CNGB1: variants seen among roughly 807,000 people sequenced by gnomAD.
CNGB1 encodes cyclic nucleotide-gated channel beta-1.
A neutral mutation model predicts 151.7 loss-of-function variants in CNGB1; 126 were observed. The ratio of observed to expected loss-of-function variants is 0.83; its 90% CI spans 0.72 to 0.96. CNGB1 has a LOEUF of 0.96. Ranked by LOEUF, CNGB1 falls within the 40% of genes least tolerant of loss-of-function variation. The pLI, the probability that CNGB1 is intolerant of heterozygous loss-of-function variation, is 0.00. For synonymous variants in CNGB1, 623 were observed against 635.1 expected (o/e 0.98, Z 0.29); for missense variants, 1,698 against 1,627.0 (o/e 1.04, Z -0.75).
intron 1 of CNGB1, 61 bp from the exon 2 acceptor site, chr16:57,967,355 G>A: frequency 6.6e-7 from 1 of 1,520,154 alleles, no homozygotes; most frequent in Non-Finnish European, 9.1e-7. Context: ...CGCCACTTAT[G>A]GGCCACTCTT....
rs370785066 is a variant in CNGB1 at position 57,900,043 on chromosome 16, G to A, written c.2976+1309C>T. On this transcript the variant is annotated intron_variant, in intron 29 of 32. Coordinates refer to ENST00000251102, the MANE Select transcript of CNGB1 (RefSeq NM_001297.5). Reference sequence around the variant, plus strand: ...CAGTACTGGCAGCTGCTGTGTGCCAGGAACAATGTTAAGCTCTGTATGCAC... The same window carrying A: ...CAGTACTGGCAGCTGCTGTGTGCCAAGAACAATGTTAAGCTCTGTATGCAC... 1.1e-3 allele frequency among the ~76,000 whole-genome samples: 166 copies of A among 152,358 alleles called. 5 individuals carry two copies. The South Asian group carries it at 0.033, about 30-fold the overall frequency.
chr16:57,902,149 C>G (rs1960409089), intron 27 of CNGB1, among the ~76,000 whole-genome samples: 1 of 152,114 alleles, frequency 6.6e-6, no homozygotes, highest in Non-Finnish European at 1.5e-5. Context: ...TGGTTCACTG[C>G]AACCTCCACC....
Position 57,884,406 on chromosome 16 carries a change from G to T in CNGB1, c.3514C>A (p.Gln1172Lys), listed in dbSNP as rs1245966292. The T allele has an allele frequency of 1.2e-6, 2 of 1,613,426 alleles. No individual in the cohort carries two copies. Among genetic ancestry groups the T allele is most frequent in the African/African-American group, 2.7e-5 (2 of 74,864 alleles). Residue 1172 changes from glutamine to lysine, a missense_variant, in exon 33 of 33, where the codon CAG (glutamine) becomes AAG (lysine). Coordinates refer to ENST00000251102, the MANE Select transcript of CNGB1 (RefSeq NM_001297.5). ...GCGGCCTCCTTTGGGTGCGTGTGCT[G>T]GTCTGGGGCGGCGGAGCCTTCCTCT... is the stretch of plus-strand genomic sequence containing the variant. ...KGEEGSAAPD[Q>K]HTHPKEAATD...
At position 57,884,389 on chromosome 16, in the gene CNGB1, C is replaced by A; in HGVS notation, c.3531G>T (p.Lys1177Asn). Residue 1177 changes from lysine (K) to asparagine (N), a missense_variant, in exon 33 of 33, where the codon AAG becomes AAT. Physicochemically the swap from Lys to Asn is moderately conservative, Grantham distance 94. Coordinates refer to ENST00000251102, the MANE Select transcript of CNGB1 (RefSeq NM_001297.5). Reference protein sequence around the residue: ...SAAPDQHTHPKEAATDPPAPR... With the variant: ...SAAPDQHTHPNEAATDPPAPR... ...GCGCGGGTGGGTCGGTGGCGGCCTC[C>A]TTTGGGTGCGTGTGCTGGTCTGGGG... The A allele has an allele frequency of 6.2e-7, 1 of 1,613,208 alleles. No homozygotes were observed. The highest frequency in any genetic ancestry group is 8.5e-7 in the Non-Finnish European group (1 of 1,179,836).
chr16:57,932,358 G>A (rs1596990578), intron 16 of CNGB1, among the ~76,000 whole-genome samples: 1 of 152,204 alleles, frequency 6.6e-6, no homozygotes, highest in East Asian at 1.9e-4. Context: ...CAGGCCTGTG[G>A]GGAGGAGCCA....
intron 25 of CNGB1, among the ~76,000 whole-genome samples, chr16:57,906,751 C>G (rs183589127): frequency 6.6e-6 from 1 of 152,192 alleles, no homozygotes; most frequent in Non-Finnish European, 1.5e-5. Context: ...GACATAGGCG[C>G]GATGTCCACA....
chr16:57,970,432 A>C (rs1962511609), intron 1 of CNGB1, among the ~76,000 whole-genome samples: 1 of 152,242 alleles, frequency 6.6e-6, no homozygotes, highest in Non-Finnish European at 1.5e-5. Context: ...AAAGGTCAAC[A>C]GAATCGCCTG....
intron 17 of CNGB1, among the ~76,000 whole-genome samples, chr16:57,926,455 G>A (rs1174320786): frequency 6.6e-6 from 1 of 152,218 alleles, no homozygotes; most frequent in African/African-American, 2.4e-5. Flanking sequence ...ATTTCTAGGG[G>A]GATCCAGAGG....
At chr16:57,970,292 C>T (rs891049357) in intron 1 of CNGB1, among the ~76,000 whole-genome samples, 1 of 152,212 alleles carries the variant, frequency 6.6e-6, no homozygotes, top group African/African-American at 2.4e-5. Flanking sequence ...CAGCCAGCCC[C>T]AGGCAGCCCC....
intron 17 of CNGB1, among the ~76,000 whole-genome samples, chr16:57,929,728 C>A (rs1369715834): frequency 1.3e-5 from 2 of 152,216 alleles, no homozygotes; most frequent in East Asian, 3.8e-4. Flanking sequence ...CGTGAGAACT[C>A]ACTGTCATGA....
intron 20 of CNGB1, 82 bp downstream of exon 20, chr16:57,919,017 C>A: frequency 6.2e-7 from 1 of 1,601,900 alleles, no homozygotes. Flanking sequence ...CCTCTTGAAT[C>A]CCCTGACCCT....
intron 17 of CNGB1, among the ~76,000 whole-genome samples, chr16:57,928,568 C>T (rs1447662925): frequency 2.6e-5 from 4 of 152,180 alleles, no homozygotes; most frequent in African/African-American, 9.7e-5. Flanking sequence ...AGTAAAAACA[C>T]CATCTTGGGT....
At chr16:57,962,819 GC>G in intron 6 of CNGB1, 22 bp downstream of exon 6, 1 of 1,612,556 alleles carries the variant, frequency 6.2e-7, no homozygotes, top group Non-Finnish European at 8.5e-7. Flanking sequence ...CTGCTGAAAA[GC>G]CATCCTGCCC....
At chr16:57,940,633 G>A (rs750205365) in intron 14 of CNGB1, among the ~76,000 whole-genome samples, 1 of 152,164 alleles carries the variant, frequency 6.6e-6, no homozygotes, top group African/African-American at 2.4e-5. Flanking sequence ...GGGAGGAAAA[G>A]GTTGTCCAGG....
chr16:57,936,732 C>A (rs1961518138), intron 16 of CNGB1, among the ~76,000 whole-genome samples: 1 of 151,496 alleles, frequency 6.6e-6, no homozygotes, highest in Non-Finnish European at 1.5e-5. Flanking sequence ...TTGCAGTGAA[C>A]TGAGATCATG....
chr16:57,899,919 G>A (rs79023861), intron 29 of CNGB1, among the ~76,000 whole-genome samples: 4,103 of 152,268 alleles, frequency 0.027, 202 homozygotes, highest in African/African-American at 0.093. Flanking sequence ...CCCTTCACAC[G>A]TGCTCACCAA....
intron 12 of CNGB1, among the ~76,000 whole-genome samples, chr16:57,951,575 T>C (rs1274586017): frequency 6.6e-6 from 1 of 152,200 alleles, no homozygotes; most frequent in Non-Finnish European, 1.5e-5. Flanking sequence ...CCTGAGACTT[T>C]GGCTGTTATT....
At chr16:57,956,653 C>G (rs1458973483) in intron 12 of CNGB1, among the ~76,000 whole-genome samples, 3 of 152,174 alleles carry the variant, frequency 2.0e-5, no homozygotes, top group Non-Finnish European at 4.4e-5. Flanking sequence ...CCACCCACAG[C>G]CCCTGAACTC....
At chr16:57,930,303 C>A (rs1201891594) in intron 17 of CNGB1, among the ~76,000 whole-genome samples, 1 of 151,966 alleles carries the variant, frequency 6.6e-6, no homozygotes, top group Non-Finnish European at 1.5e-5. Context: ...TTGAGACCAG[C>A]CTTTGGCAAC....
Sources: allele counts gnomAD v4.1 joint callset (sites outside exome capture counted in the v4.1 genomes callset), GRCh38; gene constraint gnomAD v4.1.1; transcripts MANE v1.5; gene names NCBI Gene and HGNC (gene_info 2026-07-23, HGNC 2026-07-21).